The following GLIS3 variants were observed in gnomAD, a reference collection of about 807,000 sequenced individuals.
GLIS3 encodes the protein GLIS family zinc finger 3.
Under a neutral mutation model 78.6 loss-of-function variants are expected in GLIS3, and 53 were observed. The ratio of observed to expected loss-of-function variants is 0.67; its 90% confidence interval spans 0.54 to 0.85. The LOEUF is 0.85. Ranked by LOEUF, GLIS3 falls within the 40% of genes least tolerant of loss-of-function variation. The pLI is 0.00. For missense variants in GLIS3, 1,703 were observed against 1,231.1 expected, an observed-to-expected ratio of 1.38 and a Z score of -5.74; for synonymous variants, 684 against 509.9, an observed-to-expected ratio of 1.34 and a Z score of -4.60.
chr9:4,471,094 C>T, the GLIS3 span, among the ~76,000 whole-genome samples: 18 of 151,866 alleles, frequency 1.2e-4, no homozygotes, highest in East Asian at 1.4e-3. Flanking sequence ...CACTGCTCAA[C>T]GAAATAAAAG....
intron 2 of GLIS3, among the ~76,000 whole-genome samples, chr9:4,320,796 C>G (rs1259453285): frequency 6.6e-6 from 1 of 152,184 alleles, no homozygotes; most frequent in African/African-American, 2.4e-5. Context: ...ATTCCAAGCA[C>G]CCAACATTGT....
chr9:4,263,223 G>A (rs1825688477), intron 2 of GLIS3, among the ~76,000 whole-genome samples: 2 of 152,206 alleles, frequency 1.3e-5, no homozygotes, highest in African/African-American at 4.8e-5. Context: ...GTGGCTCACA[G>A]ACATATTCTG....
chr9:3,954,822 A>G (rs1816979032), intron 4 of GLIS3, among the ~76,000 whole-genome samples: 1 of 152,186 alleles, frequency 6.6e-6, no homozygotes, highest in African/African-American at 2.4e-5. Flanking sequence ...TGGGATGGGT[A>G]ATGAGAATAA....
At chr9:3,948,499 A>C (rs953077299) in intron 4 of GLIS3, among the ~76,000 whole-genome samples, 26 of 152,284 alleles carry the variant, frequency 1.7e-4, no homozygotes, top group African/African-American at 6.0e-4. Flanking sequence ...TATAATTCTT[A>C]TGAAAAATAC....
the GLIS3 span, among the ~76,000 whole-genome samples, chr9:4,405,714 A>T: frequency 1.3e-5 from 2 of 152,188 alleles, no homozygotes; most frequent in Non-Finnish European, 2.9e-5. Context: ...TTCCAAACTC[A>T]TTCTACAAAG....
chr9:3,969,364 C>G (rs1306992959), intron 4 of GLIS3, among the ~76,000 whole-genome samples: 1 of 152,116 alleles, frequency 6.6e-6, no homozygotes, highest in Non-Finnish European at 1.5e-5. Flanking sequence ...CTATACGTTC[C>G]CTACACCTCA....
At chr9:3,973,880 A>G (rs1330388720) in intron 4 of GLIS3, among the ~76,000 whole-genome samples, 1 of 152,130 alleles carries the variant, frequency 6.6e-6, no homozygotes, top group Non-Finnish European at 1.5e-5. Context: ...AAACTTTTAC[A>G]TGTTTACTTA....
At chr9:4,328,074 C>G (rs551886869) in intron 2 of GLIS3, among the ~76,000 whole-genome samples, 1 of 152,302 alleles carries the variant, frequency 6.6e-6, no homozygotes, top group East Asian at 1.9e-4. Context: ...GCTGGCAGAG[C>G]CCAGCACATA....
intron 4 of GLIS3, among the ~76,000 whole-genome samples, chr9:3,938,892 C>T (rs1826042813): frequency 6.6e-6 from 1 of 152,174 alleles, no homozygotes; most frequent in Non-Finnish European, 1.5e-5. Flanking sequence ...AGGGGCTCAA[C>T]ATTAAACCCC....
Position 4,118,077 on chromosome 9 carries a change from G to C in GLIS3, c.1401C>G (p.His467Gln), listed in dbSNP as rs1831830127. 4 of 1,570,444 alleles carry C rather than the reference G, an allele frequency of 2.5e-6. No individual in the cohort carries two copies. The highest frequency in any genetic ancestry group is 1.7e-6 in the Non-Finnish European group (2 of 1,158,226). The change falls in exon 4 of 11, where the codon CAC (histidine) becomes CAG (glutamine). Residue 467 changes from histidine (H) to glutamine (Q), a missense_variant. Transcript: ENST00000381971. This position sits in a 1 kb window ranked among gnomAD's most constrained non-coding sequence, Gnocchi z 4.7. ...GPPPPYHAHAHLHHPELGPHA... is the reference protein window; with the variant it reads ...GPPPPYHAHAQLHHPELGPHA... ...GGGGCCCGAGCTCCGGGTGGTGAAGGTGCGCATGGGCATGGTAAGGGGGTG... is the reference window on the plus strand; with the variant it reads ...GGGGCCCGAGCTCCGGGTGGTGAAGCTGCGCATGGGCATGGTAAGGGGGTG...
the GLIS3 span, among the ~76,000 whole-genome samples, chr9:4,429,210 C>T: frequency 3.3e-5 from 5 of 152,128 alleles, no homozygotes; most frequent in African/African-American, 1.2e-4. Context: ...GTTGCACCTA[C>T]CCCTCGCTGA....
intron 4 of GLIS3, among the ~76,000 whole-genome samples, chr9:4,009,591 A>G (rs1389555766): frequency 1.3e-5 from 2 of 152,180 alleles, no homozygotes; most frequent in African/African-American, 4.8e-5. Context: ...CCATGGTTAG[A>G]GCCAAAGGTT....
chr9:4,481,289 GC>G, the GLIS3 span, among the ~76,000 whole-genome samples: 1 of 152,154 alleles, frequency 6.6e-6, no homozygotes, highest in African/African-American at 2.4e-5. Flanking sequence ...TTCAAGACCA[GC>G]CTGGCCAACA....
intron 2 of GLIS3, among the ~76,000 whole-genome samples, chr9:4,153,053 A>G (rs1460757515): frequency 6.6e-6 from 1 of 152,198 alleles, no homozygotes; most frequent in Non-Finnish European, 1.5e-5. Flanking sequence ...CAGCATCTCT[A>G]GCCTCTTACC....
rs760776373 is a variant in GLIS3, at chr9:4,117,815, G to A, written c.1663C>T (p.Leu555=). Residue 555 remains leucine (L), a synonymous_variant, in exon 4 of 11, where the codon CTG becomes TTG. Transcript: ENST00000381971. ...CCAGAGTGGACTCTCATGTGGATCA[G>A]CAGTTTATAGCGGGCGTTGAAGGGC... ...YKPFNARYKL[L]IHMRVHSGEK... The A allele has an allele frequency of 1.9e-6, 3 of 1,614,192 alleles. No individual in the cohort carries two copies. The Admixed American group carries it at 5.0e-5, about 27-fold the overall frequency.
chr9:3,898,991 A>G, intron 6 of GLIS3, 156 bp from the exon 7 acceptor site: 1 of 872,288 alleles, frequency 1.1e-6, no homozygotes, highest in Non-Finnish European at 1.8e-6. Flanking sequence ...AGTGTCAATA[A>G]AAGGATCAGT....
chr9:4,333,706 C>T (rs1023971180), intron 2 of GLIS3, among the ~76,000 whole-genome samples: 2 of 151,976 alleles, frequency 1.3e-5, no homozygotes, highest in South Asian at 2.1e-4. Context: ...TGAAGGGTGG[C>T]TCTAGACGTA....
intron 4 of GLIS3, among the ~76,000 whole-genome samples, chr9:3,996,496 C>A (rs1472783468): frequency 1.3e-5 from 2 of 152,106 alleles, no homozygotes. Flanking sequence ...ATTAACTTTA[C>A]TTTCTGTTAC....
chr9:4,360,106 T>C, the GLIS3 span, among the ~76,000 whole-genome samples: 36 of 152,140 alleles, frequency 2.4e-4, no homozygotes, highest in African/African-American at 7.5e-4. Context: ...CCCTTTGCTG[T>C]TTTTACTCAA....
Sources: gnomAD v4.1 joint callset for allele counts (sites outside exome capture counted in the v4.1 genomes callset) on GRCh38, gnomAD v4.1.1 for gene constraint, Gnocchi (gnomAD v3.1) non-coding constraint, MANE v1.5 for transcripts, NCBI Gene and HGNC (gene_info 2026-07-23, HGNC 2026-07-21) for gene names.